PTPN11: variants seen among roughly 807,000 people sequenced by gnomAD.
PTPN11 encodes protein tyrosine phosphatase non-receptor type 11, also known as tyrosine-protein phosphatase non-receptor type 11.
A neutral mutation model predicts 78.8 loss-of-function variants in PTPN11; 6 were observed. That is an observed-to-expected ratio of 0.08 (90% CI 0.04 to 0.15). The LOEUF (loss-of-function observed/expected upper bound fraction) is 0.15. Ranked by LOEUF, PTPN11 falls within the 10% of genes least tolerant of loss-of-function variation. The pLI, the probability that PTPN11 is intolerant of heterozygous loss-of-function variation, is 1.00. For missense variants in PTPN11, 386 were observed against 744.8 expected (o/e 0.52, Z 5.61); for synonymous variants, 221 against 263.5 (o/e 0.84, Z 1.56).
At chr12:112,502,092 AT>A in intron 13 of PTPN11, 51 bp from the exon 14 acceptor site, 1 of 1,417,738 alleles carries the variant, frequency 7.1e-7, no homozygotes, top group Non-Finnish European at 9.9e-7. Context: ...TTTGCTTTTT[AT>A]CCCCTTAAAA....
At chr12:112,420,397 G>T (rs984044810) in intron 1 of PTPN11, among the ~76,000 whole-genome samples, 51 of 151,584 alleles carry the variant, frequency 3.4e-4, no homozygotes, top group African/African-American at 1.2e-3. Flanking sequence ...CCAGGCTGGA[G>T]TGCAGTGGCG....
At chr12:112,425,238 G>C (rs953742328) in intron 1 of PTPN11, among the ~76,000 whole-genome samples, 4 of 152,022 alleles carry the variant, frequency 2.6e-5, no homozygotes, top group Non-Finnish European at 4.4e-5. Context: ...CAACTGAAAT[G>C]TTCATCAGTG....
chr12:112,450,256 T>G, intron 2 of PTPN11, 62 bp from the exon 3 acceptor site: 1 of 1,437,516 alleles, frequency 7.0e-7, no homozygotes, highest in Non-Finnish European at 9.8e-7. Context: ...AGATGAGATC[T>G]GATTTTACTG....
intron 5 of PTPN11, 78 bp from the exon 6 acceptor site, chr12:112,455,872 T>G (rs2038151721): frequency 2.0e-5 from 3 of 149,184 alleles, no homozygotes; most frequent in Middle Eastern, 3.3e-3. Context: ...CATAGACATG[T>G]TTTTTTTTTT....
At chr12:112,500,507 A>G (rs1219966802) in intron 13 of PTPN11, among the ~76,000 whole-genome samples, 1 of 152,204 alleles carries the variant, frequency 6.6e-6, no homozygotes, top group Non-Finnish European at 1.5e-5. Flanking sequence ...TCTTCCCTAC[A>G]CTATAAGTTC....
chr12:112,499,728 T>G (rs2038852837), intron 13 of PTPN11, among the ~76,000 whole-genome samples: 1 of 151,710 alleles, frequency 6.6e-6, no homozygotes, highest in Non-Finnish European at 1.5e-5. Flanking sequence ...GGCAGGAGCA[T>G]CACTCGAGGC....
chr12:112,419,952 C>T (rs565782252), intron 1 of PTPN11, among the ~76,000 whole-genome samples: 5 of 152,322 alleles, frequency 3.3e-5, no homozygotes, highest in African/African-American at 1.2e-4. Flanking sequence ...TAATAGCTAA[C>T]ATTTGCTTAG....
chr12:112,481,306 G>C (rs2038592476), intron 9 of PTPN11, among the ~76,000 whole-genome samples: 1 of 152,176 alleles, frequency 6.6e-6, no homozygotes, highest in South Asian at 2.1e-4. Flanking sequence ...TTAGAATTCA[G>C]ACCTCAGTGG....
chr12:112,436,396 T>C (rs1438079408), intron 1 of PTPN11, among the ~76,000 whole-genome samples: 1 of 152,200 alleles, frequency 6.6e-6, no homozygotes, highest in Non-Finnish European at 1.5e-5. Context: ...ACTATTATTA[T>C]CCACATTTTA....
intron 6 of PTPN11, among the ~76,000 whole-genome samples, chr12:112,462,304 G>A (rs1008335828): frequency 2.6e-5 from 4 of 152,006 alleles, no homozygotes; most frequent in African/African-American, 9.7e-5. Flanking sequence ...GCTGCAGTGA[G>A]ATACGATTGT....
intron 6 of PTPN11, among the ~76,000 whole-genome samples, chr12:112,462,218 G>A (rs898750184): frequency 6.6e-6 from 1 of 152,108 alleles, no homozygotes; most frequent in Admixed American, 6.6e-5. Context: ...AAATTAACCA[G>A]ACATGGTGGC....
At chr12:112,438,381 C>T (rs1422244217) in intron 1 of PTPN11, among the ~76,000 whole-genome samples, 2 of 152,018 alleles carry the variant, frequency 1.3e-5, no homozygotes, top group South Asian at 2.1e-4. Flanking sequence ...AGTGCAGTGG[C>T]GTCTTGATCA....
intron 1 of PTPN11, 45 bp from the exon 2 acceptor site, chr12:112,446,231 A>C (rs930904396): frequency 1.9e-6 from 3 of 1,610,972 alleles, no homozygotes; most frequent in Non-Finnish European, 2.5e-6. Context: ...AGTAGTGCTG[A>C]CAGTGTCTTG....
intron 1 of PTPN11, among the ~76,000 whole-genome samples, chr12:112,433,676 C>T (rs866585920): frequency 6.6e-6 from 1 of 152,168 alleles, no homozygotes; most frequent in African/African-American, 2.4e-5. Context: ...ACTGGCTGGG[C>T]GCAGTGGCTC....
At chr12:112,455,785 G>A (rs932923921) in intron 5 of PTPN11, among the ~76,000 whole-genome samples, 165 bp from the exon 6 acceptor site, 1 of 151,902 alleles carries the variant, frequency 6.6e-6, no homozygotes, top group Non-Finnish European at 1.5e-5. Flanking sequence ...CAGAAAACAC[G>A]GTGAAACGAT....
chr12:112,454,931 T>TCAGTA (rs2038133284), intron 5 of PTPN11: 2 of 498,550 alleles, frequency 4.0e-6, no homozygotes, highest in Non-Finnish European at 3.7e-6. Flanking sequence ...GCGATTCTCC[T>TCAGTA]GCCTCAGCCT....
intron 6 of PTPN11, among the ~76,000 whole-genome samples, chr12:112,464,494 G>A (rs1266087796): frequency 6.6e-6 from 1 of 152,002 alleles, no homozygotes; most frequent in African/African-American, 2.4e-5. Flanking sequence ...GAGTGCAGAG[G>A]TGTGATAGCT....
chr12:112,426,161 T>C (rs1206985589), intron 1 of PTPN11, among the ~76,000 whole-genome samples: 1 of 152,260 alleles, frequency 6.6e-6, no homozygotes, highest in African/African-American at 2.4e-5. Context: ...TAAAACTCAC[T>C]TGACATAAGT....
intron 1 of PTPN11, among the ~76,000 whole-genome samples, chr12:112,423,138 G>C (rs1265453629): frequency 6.6e-6 from 1 of 152,138 alleles, no homozygotes. Context: ...TTTGTGCCTT[G>C]AGCAAATGTG....
Sources: allele counts gnomAD v4.1 joint callset (sites outside exome capture counted in the v4.1 genomes callset), GRCh38; gene constraint gnomAD v4.1.1; transcripts MANE v1.5; gene names NCBI Gene and HGNC (gene_info 2026-07-23, HGNC 2026-07-21).